Variants in CTNNA2 observed in about 807,000 individuals in gnomAD.
CTNNA2 encodes the protein catenin alpha 2, also known as catenin alpha-2.
A neutral mutation model predicts 101.0 loss-of-function variants in CTNNA2; 42 were observed. The observed-to-expected ratio is 0.42, with a 90% confidence interval of 0.32 to 0.54. CTNNA2 has a LOEUF of 0.54. Among genes scored for constraint, CTNNA2 ranks in the 20% least tolerant of loss-of-function variants. The pLI is 0.14. For synonymous variants in CTNNA2, 450 were observed against 456.4 expected (o/e 0.99, Z 0.18); for missense variants, 871 against 1,223.1 (o/e 0.71, Z 4.29).
At position 80,396,473 on chromosome 2, in the gene CTNNA2, G is replaced by A. The variant is rs577858056; in HGVS notation, c.1137+3182G>A. On this transcript the variant is annotated intron_variant, in intron 8 of 18. Transcript: ENST00000402739. ...TGTGATTCTGGAATCAGCCCAGTGT[G>A]GAAACAATAGCTCTTGGCTGATGCC... Among the ~76,000 whole-genome samples, 36 of 152,280 alleles carry A rather than the reference G, an allele frequency of 2.4e-4. 1 individual carries two copies. The South Asian group carries it at 6.0e-3, about 25-fold the overall frequency.
chr2:80,608,620 G>T (rs548024356), intron 17 of CTNNA2: 91 of 215,204 alleles, frequency 4.2e-4, no homozygotes, highest in Non-Finnish European at 7.9e-4. Flanking sequence ...TGGGGCTTTT[G>T]TATATTTACT....
chr2:79,630,141 G>A (rs75940512), intron 1 of CTNNA2, among the ~76,000 whole-genome samples: 4 of 152,070 alleles, frequency 2.6e-5, no homozygotes, highest in Non-Finnish European at 2.9e-5. Context: ...CCTTCCTGCC[G>A]TACCACAATA....
chr2:80,551,324 G>T (rs1481397660), intron 11 of CTNNA2, among the ~76,000 whole-genome samples: 1 of 152,114 alleles, frequency 6.6e-6, no homozygotes, highest in Non-Finnish European at 1.5e-5. Flanking sequence ...TTTCAAAGTG[G>T]TAAATGAGCA....
chr2:80,634,582 TGATAA>T (rs1479448768), intron 18 of CTNNA2, among the ~76,000 whole-genome samples: 14 of 151,918 alleles, frequency 9.2e-5, no homozygotes, highest in African/African-American at 1.7e-4. Flanking sequence ...TCAAGGTTGT[TGATAA>T]GATAAGTGAT....
intron 1 of CTNNA2, among the ~76,000 whole-genome samples, chr2:79,623,752 A>T (rs1679135260): frequency 6.6e-6 from 1 of 152,170 alleles, no homozygotes; most frequent in Non-Finnish European, 1.5e-5. Context: ...TTAGGTGAGA[A>T]GTTGAATTTT....
chr2:80,024,019 G>A (rs559776385), intron 7 of CTNNA2, among the ~76,000 whole-genome samples: 1 of 151,380 alleles, frequency 6.6e-6, no homozygotes, highest in South Asian at 2.1e-4. Flanking sequence ...CCCGGGAGGC[G>A]GAGCTTGCAG....
rs190269360 is a variant in CTNNA2 at position 80,173,115 on chromosome 2, T to G, written c.1057-220096T>G. On this transcript the variant is annotated intron_variant, in intron 7 of 18. Transcript: ENST00000402739. Reference sequence around the variant, plus strand: ...AAGTTTGAGAAGCCATGCCTTAACATTCTTCAAAAAATAATGTGCCACCAA... The same window carrying G: ...AAGTTTGAGAAGCCATGCCTTAACAGTCTTCAAAAAATAATGTGCCACCAA... 1.8e-4 allele frequency among the ~76,000 whole-genome samples: 28 copies of G among 152,310 alleles called. No homozygotes were observed. In the East Asian group the frequency reaches 5.0e-3, roughly 27 times the overall value.
intron 1 of CTNNA2, among the ~76,000 whole-genome samples, chr2:79,570,778 TAGTC>T (rs1268954457): frequency 1.3e-5 from 2 of 152,106 alleles, no homozygotes; most frequent in South Asian, 2.1e-4. Context: ...GAGCATGAAT[TAGTC>T]AGCTCTTTTC....
chr2:79,562,273 G>T (rs927991119), intron 1 of CTNNA2, among the ~76,000 whole-genome samples: 1 of 152,000 alleles, frequency 6.6e-6, no homozygotes, highest in Non-Finnish European at 1.5e-5. Flanking sequence ...AAATGTCTGT[G>T]TGTCTATCCT....
intron 9 of CTNNA2, among the ~76,000 whole-genome samples, chr2:80,482,561 G>A (rs1019706690): frequency 5.9e-5 from 9 of 152,132 alleles, no homozygotes; most frequent in Admixed American, 3.3e-4. Flanking sequence ...TTTACAAAAA[G>A]AGGCAGCAGG....
At chr2:80,380,602 G>A (rs534216827) in intron 7 of CTNNA2, among the ~76,000 whole-genome samples, 1 of 152,292 alleles carries the variant, frequency 6.6e-6, no homozygotes, top group East Asian at 1.9e-4. Flanking sequence ...TAAGCTTGTA[G>A]GATGATAACC....
Position 79,367,961 on chromosome 2 carries a change from G to A in CTNNA2, c.-317-5870G>A, listed in dbSNP as rs112248625. On this transcript the variant is annotated intron_variant, in intron 3 of 21. Coordinates refer to the CTNNA2 transcript ENST00000466387. ...AGTACTACCTACCTTACAGAGGTGT[G>A]GTAAAGATGAAATGCAATACTCCAT... is the stretch of plus-strand genomic sequence containing the variant. 9.0e-4 allele frequency among the ~76,000 whole-genome samples: 137 copies of A among 152,166 alleles called. 1 individual carries two copies. Among genetic ancestry groups the A allele is most frequent in the Middle Eastern group, 3.4e-3 (1 of 294 alleles).
At chr2:80,019,548 A>G (rs1409047498) in intron 7 of CTNNA2, among the ~76,000 whole-genome samples, 2 of 152,194 alleles carry the variant, frequency 1.3e-5, no homozygotes, top group Non-Finnish European at 2.9e-5. Context: ...GAATTTTTCA[A>G]GCCAAAATGT....
rs1309576896 is a variant in CTNNA2, at chr2:79,997,618, T to TC, written c.1056+87824dup. On this transcript the variant is annotated intron_variant, in intron 7 of 18. Coordinates refer to ENST00000402739, the MANE Select transcript of CTNNA2 (RefSeq NM_001282597.3). The stretch of plus-strand genomic sequence containing the variant: ...CCCCCAACTTTGTGTGTTCTCAATT[T>TC]CCCTCTCTGCGTATACAACTCTTTC... Among the ~76,000 whole-genome samples the TC allele has an allele frequency of 2.6e-5, 4 of 152,082 alleles. No homozygotes were observed. In the East Asian group the frequency reaches 7.7e-4, roughly 29 times the overall value.
At chr2:79,590,924 T>C (rs962223481) in intron 1 of CTNNA2, among the ~76,000 whole-genome samples, 1 of 152,218 alleles carries the variant, frequency 6.6e-6, no homozygotes, top group Non-Finnish European at 1.5e-5. Flanking sequence ...TCCTGAATAA[T>C]CAGTTTTACC....
intron 7 of CTNNA2, among the ~76,000 whole-genome samples, chr2:79,995,019 C>T (rs1403425931): frequency 6.6e-6 from 1 of 152,146 alleles, no homozygotes; most frequent in Non-Finnish European, 1.5e-5. Flanking sequence ...ATCCATTGGG[C>T]ACCACAATAT....
chr2:79,753,936 T>C (rs1479549929), intron 3 of CTNNA2, among the ~76,000 whole-genome samples: 1 of 150,904 alleles, frequency 6.6e-6, no homozygotes, highest in African/African-American at 2.4e-5. Context: ...CGGCGTCATC[T>C]TGGCTCACTG....
upstream of CTNNA2, among the ~76,000 whole-genome samples, chr2:79,510,056 A>T (rs578200770): frequency 6.6e-6 from 1 of 152,336 alleles, no homozygotes; most frequent in Non-Finnish European, 1.5e-5. Context: ...TTTACTTAAG[A>T]TGCCAATATT....
intron 1 of CTNNA2, among the ~76,000 whole-genome samples, chr2:79,519,133 G>C (rs545084672): frequency 1.3e-5 from 2 of 151,338 alleles, no homozygotes; most frequent in African/African-American, 4.9e-5. Context: ...AGAGGCTGAG[G>C]CAGGAGAATC....
Sources: gnomAD v4.1 joint callset for allele counts (sites outside exome capture counted in the v4.1 genomes callset) on GRCh38, gnomAD v4.1.1 for gene constraint, MANE v1.5 for transcripts, NCBI Gene and HGNC (gene_info 2026-07-23, HGNC 2026-07-21) for gene names.